Variants in EPHA6 observed in about 807,000 individuals in gnomAD.
EPHA6 encodes the protein EPH receptor A6.
In EPHA6, 50 loss-of-function variants were observed where a neutral mutation model predicts 112.0. The ratio of observed to expected loss-of-function variants is 0.45; its 90% CI spans 0.36 to 0.56. The LOEUF (loss-of-function observed/expected upper bound fraction) is 0.56. Ranked by LOEUF, EPHA6 falls within the 20% of genes least tolerant of loss-of-function variation. EPHA6 has a pLI of 0.00. For synonymous variants in EPHA6, 529 were observed against 490.7 expected (o/e 1.08, Z -1.03); for missense variants, 1,280 against 1,417.4 (o/e 0.90, Z 1.56).
intron 5 of EPHA6, among the ~76,000 whole-genome samples, chr3:97,391,590 C>G (rs1359976012): frequency 6.6e-6 from 1 of 151,740 alleles, no homozygotes. Context: ...AAGTGCGGTA[C>G]AATATATTTG....
At chr3:97,083,215 T>C (rs2046779719) in intron 3 of EPHA6, among the ~76,000 whole-genome samples, 1 of 151,978 alleles carries the variant, frequency 6.6e-6, no homozygotes, top group African/African-American at 2.4e-5. Context: ...TTGTGAAACA[T>C]GTTTCTACTT....
chr3:96,833,077 G>T (rs112373641), intron 1 of EPHA6, among the ~76,000 whole-genome samples: 1,552 of 151,404 alleles, frequency 0.01, 26 homozygotes, highest in African/African-American at 0.035. Context: ...CTCAAAATTC[G>T]TATGTTGAAG....
chr3:97,406,722 C>G (rs1215271386), intron 6 of EPHA6, among the ~76,000 whole-genome samples: 2 of 152,088 alleles, frequency 1.3e-5, no homozygotes, highest in African/African-American at 4.8e-5. Context: ...TAAAAACTGT[C>G]ATTATCTTTA....
At chr3:97,213,990 A>G (rs949803320) in intron 3 of EPHA6, among the ~76,000 whole-genome samples, 1 of 130,630 alleles carries the variant, frequency 7.7e-6, no homozygotes, top group Non-Finnish European at 1.5e-5. Context: ...TCATAATCTC[A>G]TGTGTTCTGT....
At chr3:97,074,224 A>G (rs1448458050) in intron 3 of EPHA6, among the ~76,000 whole-genome samples, 1 of 152,030 alleles carries the variant, frequency 6.6e-6, no homozygotes, top group African/African-American at 2.4e-5. Flanking sequence ...AAATCAACAT[A>G]CTTGCATTGA....
intron 10 of EPHA6, among the ~76,000 whole-genome samples, chr3:97,530,660 CAA>C (rs2092685578): frequency 6.6e-6 from 1 of 151,322 alleles, no homozygotes; most frequent in South Asian, 2.1e-4. Context: ...TATAAAACGC[CAA>C]TATCATATGC....
chr3:97,703,568 TGGC>T (rs2033516985), intron 14 of EPHA6, among the ~76,000 whole-genome samples: 2 of 152,156 alleles, frequency 1.3e-5, no homozygotes, highest in African/African-American at 4.8e-5. Flanking sequence ...CAGCCAACAT[TGGC>T]TGTAAAATCA....
chr3:96,986,594 T>G (rs543152089), intron 2 of EPHA6, among the ~76,000 whole-genome samples: 1 of 152,314 alleles, frequency 6.6e-6, no homozygotes, highest in Admixed American at 6.5e-5. Flanking sequence ...ACCCTCTTCT[T>G]AATCTCCTTG....
chr3:96,964,938 A>G (rs2042070640), intron 2 of EPHA6, among the ~76,000 whole-genome samples: 1 of 152,186 alleles, frequency 6.6e-6, no homozygotes, highest in South Asian at 2.1e-4. Context: ...ACAATTCACG[A>G]ATCGGGCAGC....
Position 97,068,863 on chromosome 3 carries a change from C to T in EPHA6, c.1114+80870C>T, listed in dbSNP as rs2046266129. On this transcript the variant is annotated intron_variant, in intron 3 of 17. Coordinates refer to ENST00000389672, the MANE Select transcript of EPHA6 (RefSeq NM_001080448.3). ...CCACAACCTGGAAAAGGACCCTCAC[C>T]AGAACCTGACTATATTGACACCCTG... Among the ~76,000 whole-genome samples the T allele has an allele frequency of 2.0e-5, 3 of 152,240 alleles. No individual in the cohort carries two copies. The South Asian group carries it at 6.2e-4, about 32-fold the overall frequency.
intron 2 of EPHA6, among the ~76,000 whole-genome samples, chr3:96,932,506 A>G (rs1180253208): frequency 6.6e-6 from 1 of 152,246 alleles, no homozygotes; most frequent in Non-Finnish European, 1.5e-5. Context: ...TACTTAAACC[A>G]TACAAATTAG....
At chr3:97,362,514 T>C (rs182591277) in intron 5 of EPHA6, among the ~76,000 whole-genome samples, 5 of 152,122 alleles carry the variant, frequency 3.3e-5, no homozygotes, top group Admixed American at 3.3e-4. Flanking sequence ...TTAGGACAAA[T>C]AGTAATTTAA....
chr3:96,836,637 T>C (rs1296082043), intron 1 of EPHA6, among the ~76,000 whole-genome samples: 1 of 152,180 alleles, frequency 6.6e-6, no homozygotes, highest in Non-Finnish European at 1.5e-5. Context: ...CTGTGATTCA[T>C]GTTGGCATTA....
chr3:97,479,688 C>T (rs1312827381), intron 9 of EPHA6, among the ~76,000 whole-genome samples: 9 of 152,098 alleles, frequency 5.9e-5, no homozygotes, highest in African/African-American at 1.4e-4. Context: ...TCTAGTGGAA[C>T]ATTAGACATA....
chr3:97,016,667 C>T (rs1420414336), intron 3 of EPHA6, among the ~76,000 whole-genome samples: 1 of 152,074 alleles, frequency 6.6e-6, no homozygotes, highest in African/African-American at 2.4e-5. Flanking sequence ...AGACAATAAG[C>T]ATATCTTTCA....
chr3:97,560,641 G>A (rs1645625569), intron 11 of EPHA6: 1 of 152,010 alleles, frequency 6.6e-6, no homozygotes, highest in Admixed American at 6.6e-5. Flanking sequence ...TATTCATTGA[G>A]TAGATTCATT....
intron 5 of EPHA6, among the ~76,000 whole-genome samples, chr3:97,287,781 CT>C (rs1466939176): frequency 2.0e-5 from 3 of 152,130 alleles, no homozygotes; most frequent in Admixed American, 1.3e-4. Flanking sequence ...GATGTGTTAC[CT>C]TTTTGATGGG....
intron 1 of EPHA6, among the ~76,000 whole-genome samples, chr3:96,818,504 G>C (rs752371293): frequency 6.6e-6 from 1 of 151,916 alleles, no homozygotes; most frequent in Non-Finnish European, 1.5e-5. Flanking sequence ...AGTGTGGCTG[G>C]TTGATTTCAT....
intron 2 of EPHA6, among the ~76,000 whole-genome samples, chr3:96,966,882 T>C (rs912271726): frequency 6.6e-6 from 1 of 152,070 alleles, no homozygotes; most frequent in Non-Finnish European, 1.5e-5. Context: ...TTTACTGTGT[T>C]AAGTATATGT....
Sources: allele counts gnomAD v4.1 joint callset (sites outside exome capture counted in the v4.1 genomes callset), GRCh38; gene constraint gnomAD v4.1.1; transcripts MANE v1.5; gene names NCBI Gene and HGNC (gene_info 2026-07-23, HGNC 2026-07-21).